RPTOR: variants seen among roughly 807,000 people sequenced by gnomAD.
RPTOR encodes regulatory associated protein of MTOR complex 1.
Under a neutral mutation model 169.9 loss-of-function variants are expected in RPTOR, and 21 were observed. That is an observed-to-expected ratio of 0.12 (90% CI 0.09 to 0.18). RPTOR has a LOEUF of 0.18. RPTOR is among the 10% of genes least tolerant of loss of function. RPTOR has a pLI of 1.00. For missense variants in RPTOR, 1,133 were observed against 1,855.9 expected (o/e 0.61, Z 7.16); for synonymous variants, 732 against 753.2 (o/e 0.97, Z 0.46).
At chr17:80,809,221 T>C (rs745838334) in intron 7 of RPTOR, among the ~76,000 whole-genome samples, 17 of 152,250 alleles carry the variant, frequency 1.1e-4, no homozygotes, top group Non-Finnish European at 2.1e-4. Flanking sequence ...AGATGGCGTC[T>C]CACTTTCTTG....
chr17:80,590,837 G>A (rs983069488), intron 1 of RPTOR, among the ~76,000 whole-genome samples: 28 of 152,040 alleles, frequency 1.8e-4, no homozygotes, highest in Non-Finnish European at 3.4e-4. Flanking sequence ...TGAGTTTGAG[G>A]AGTGTTTTTC....
At position 80,891,710 on chromosome 17, in the gene RPTOR, C is replaced by A. The variant is rs187216076; in HGVS notation, c.1984-10C>A. 6.3e-7 allele frequency: 1 copy of A among 1,588,000 alleles called. No individual in the cohort carries two copies. The highest frequency in any genetic ancestry group is 8.6e-7 in the Non-Finnish European group (1 of 1,157,608). On this transcript the variant is annotated splice_polypyrimidine_tract_variant and intron_variant, in intron 17 of 33. Transcript: ENST00000306801. Reference sequence around the variant, plus strand: ...CAGTGACTGTTATTGTCCCTTCTCCCTCTCGGCAGGAGCTGGTGGTGGCTC... The same window carrying A: ...CAGTGACTGTTATTGTCCCTTCTCCATCTCGGCAGGAGCTGGTGGTGGCTC...
intron 3 of RPTOR, among the ~76,000 whole-genome samples, chr17:80,670,892 G>A (rs1245138649): frequency 6.6e-6 from 1 of 151,848 alleles, no homozygotes; most frequent in Admixed American, 6.6e-5. Flanking sequence ...ATTCTCCCTG[G>A]TCCTAGGGGA....
At chr17:80,741,914 C>T (rs973063646) in intron 5 of RPTOR, among the ~76,000 whole-genome samples, 2 of 152,088 alleles carry the variant, frequency 1.3e-5, no homozygotes, top group African/African-American at 4.8e-5. Context: ...TGGAGGGTAA[C>T]CAGGCACTCG....
At chr17:80,920,190 C>T (rs976308251) in intron 21 of RPTOR, among the ~76,000 whole-genome samples, 1 of 152,240 alleles carries the variant, frequency 6.6e-6, no homozygotes, top group African/African-American at 2.4e-5. Flanking sequence ...CACACCGACA[C>T]CGCAGGCAGG....
chr17:80,660,498 A>G (rs947547573), intron 3 of RPTOR, among the ~76,000 whole-genome samples: 1 of 152,182 alleles, frequency 6.6e-6, no homozygotes, highest in Non-Finnish European at 1.5e-5. Context: ...TATAGAAATT[A>G]TGGCCACACT....
chr17:80,638,893 C>T (rs1218749474), intron 2 of RPTOR, among the ~76,000 whole-genome samples: 1 of 152,174 alleles, frequency 6.6e-6, no homozygotes, highest in African/African-American at 2.4e-5. Flanking sequence ...AGTGTTAGAA[C>T]GGGGCCAGAC....
At chr17:80,553,496 G>A (rs2084369913) in intron 1 of RPTOR, among the ~76,000 whole-genome samples, 2 of 152,214 alleles carry the variant, frequency 1.3e-5, no homozygotes, top group Non-Finnish European at 2.9e-5. Context: ...GCCGCTGTGA[G>A]CCTGGCAGCT....
At chr17:80,596,848 C>T (rs1177713843) in intron 1 of RPTOR, among the ~76,000 whole-genome samples, 2 of 152,152 alleles carry the variant, frequency 1.3e-5, no homozygotes, top group African/African-American at 4.8e-5. Flanking sequence ...ATATTTTCCT[C>T]AAAGCAAAAT....
In RPTOR at chr17:80,743,953, C is replaced by CTACTAGCACAGCCCTGGT. The variant is rs1224585108; in HGVS notation, c.655-10040_655-10039insTTACTAGCACAGCCCTGG. On this transcript the variant is annotated intron_variant, in intron 5 of 33. Coordinates refer to ENST00000306801, the MANE Select transcript of RPTOR (RefSeq NM_020761.3). Reference sequence around the variant, plus strand: ...GCCCTGGTTACTAGCACAGCCCTGGCTACTAGCACAGCCCTGGCTACTAGC... The same window carrying CTACTAGCACAGCCCTGGT: ...GCCCTGGTTACTAGCACAGCCCTGGCTACTAGCACAGCCCTGGTTACTAGCACAGCCCTGGCTACTAGC... Among the ~76,000 whole-genome samples the CTACTAGCACAGCCCTGGT allele has an allele frequency of 3.1e-4, 3 of 9,836 alleles. 1 individual carries two copies. The highest frequency in any genetic ancestry group is 4.2e-4 in the Non-Finnish European group (2 of 4,716). The allele number at this position is 9,836 out of a possible 152,430, so 6.5% of individuals were successfully genotyped here.
chr17:80,868,773 C>T (rs756914317), intron 13 of RPTOR, among the ~76,000 whole-genome samples: 5 of 152,126 alleles, frequency 3.3e-5, no homozygotes, highest in African/African-American at 7.2e-5. Flanking sequence ...TCTTTCCATG[C>T]GATGAAATCG....
intron 2 of RPTOR, among the ~76,000 whole-genome samples, chr17:80,630,821 C>T (rs1205472158): frequency 6.6e-6 from 1 of 152,206 alleles, no homozygotes; most frequent in Non-Finnish European, 1.5e-5. Flanking sequence ...TGCCTGCCCA[C>T]GTGCCTCACT....
In RPTOR at chr17:80,746,957, C is replaced by T. The variant is rs1389887455; in HGVS notation, c.655-7053C>T. Among the ~76,000 whole-genome samples, 1 of 151,918 alleles carries T rather than the reference C, an allele frequency of 6.6e-6. No homozygotes were observed. The highest frequency in any genetic ancestry group is 1.5e-5 in the Non-Finnish European group (1 of 68,002). On this transcript the variant is annotated intron_variant, in intron 5 of 33. Transcript: ENST00000306801. This position sits in a 1 kb window ranked among gnomAD's most constrained non-coding sequence, Gnocchi z 4.5. The stretch of plus-strand genomic sequence containing the variant: ...TTCTGGGTGGGTGCGGTGGGTCAGG[C>T]CTGTAACCCCAGAACTTCGGGAGGC...
At chr17:80,742,053 G>T (rs1342394710) in intron 5 of RPTOR, among the ~76,000 whole-genome samples, 1 of 152,164 alleles carries the variant, frequency 6.6e-6, no homozygotes, top group East Asian at 1.9e-4. Context: ...GTGCACACGG[G>T]GCCATTGCTG....
At chr17:80,904,590 C>T (rs1286854408) in intron 20 of RPTOR, among the ~76,000 whole-genome samples, 1 of 152,142 alleles carries the variant, frequency 6.6e-6, no homozygotes, top group Non-Finnish European at 1.5e-5. Flanking sequence ...ATAGGTTCTC[C>T]GTGCTTACAG....
chr17:80,629,444 T>C (rs2065424083), intron 2 of RPTOR, among the ~76,000 whole-genome samples: 1 of 151,690 alleles, frequency 6.6e-6, no homozygotes, highest in African/African-American at 2.4e-5. Context: ...CTTCTGTGTG[T>C]CTCTCTCTTC....
intron 10 of RPTOR, among the ~76,000 whole-genome samples, chr17:80,838,265 C>G (rs546431076): frequency 6.6e-6 from 1 of 152,234 alleles, no homozygotes; most frequent in Non-Finnish European, 1.5e-5. Context: ...CGGACTCACT[C>G]CCTGTGAGTG....
chr17:80,940,582 C>T lies in RPTOR; in HGVS notation c.3006C>T (p.Ala1002=). The part of the protein sequence containing the change: ...FLRNSRVRRQ[A]QQVIQKGITR... The stretch of plus-strand genomic sequence containing the variant: ...GAAACAGCCGTGTCAGGAGGCAGGC[C>T]CAGCAAGTCATTCAGAAGGGTAAGG... The change falls in exon 25 of 34, where the codon GCC becomes GCT. Residue 1002 remains alanine (A), a synonymous_variant. Transcript: ENST00000306801. 1 of 1,611,768 alleles carries T rather than the reference C, an allele frequency of 6.2e-7. No homozygotes were observed. The highest frequency in any genetic ancestry group is 8.5e-7 in the Non-Finnish European group (1 of 1,179,084).
At chr17:80,841,621 C>A (rs1186412968) in intron 10 of RPTOR, among the ~76,000 whole-genome samples, 18 of 137,820 alleles carry the variant, frequency 1.3e-4, no homozygotes. Flanking sequence ...TCACTCTCAC[C>A]GCAGGGCAGC....
Sources: gnomAD v4.1 joint callset for allele counts (sites outside exome capture counted in the v4.1 genomes callset) on GRCh38, gnomAD v4.1.1 for gene constraint, Gnocchi (gnomAD v3.1) non-coding constraint, MANE v1.5 for transcripts, NCBI Gene and HGNC (gene_info 2026-07-23, HGNC 2026-07-21) for gene names.